RANBP2: variants seen among roughly 807,000 people sequenced by gnomAD.
RANBP2 encodes the protein RAN binding protein 2, also known as E3 SUMO-protein ligase RanBP2.
RANBP2 carries 57 observed loss-of-function variants against 303.6 expected under a neutral mutation model. The ratio of observed to expected loss-of-function variants is 0.19; its 90% CI spans 0.15 to 0.23. The LOEUF is 0.23. Among genes scored for constraint, RANBP2 ranks in the 10% least tolerant of loss-of-function variants. The pLI, the probability that RANBP2 is intolerant of heterozygous loss-of-function variation, is 1.00. For synonymous variants in RANBP2, 1,167 were observed against 1,301.5 expected, an observed-to-expected ratio of 0.90 and a Z score of 2.23; for missense variants, 3,138 against 3,780.8, an observed-to-expected ratio of 0.83 and a Z score of 4.46.
At chr2:109,094,092 G>A in the RANBP2 span, among the ~76,000 whole-genome samples, 1 of 152,128 alleles carries the variant, frequency 6.6e-6, no homozygotes, top group South Asian at 2.1e-4. Flanking sequence ...ATGGTTAATG[G>A]CAGTTATGGG....
At chr2:109,524,469 A>AAAAAAAAAAAAAAAAAAC in the RANBP2 span, among the ~76,000 whole-genome samples, 16 of 80,872 alleles carry the variant, frequency 2.0e-4, no homozygotes, top group East Asian at 3.3e-3. Context: ...AAAAAAAACA[A>AAAAAAAAAAAAAAAAAAC]AACAACACTG....
chr2:108,750,059 T>C (rs1395721363), intron 9 of RANBP2, among the ~76,000 whole-genome samples: 3 of 152,236 alleles, frequency 2.0e-5, no homozygotes, highest in Non-Finnish European at 4.4e-5. Flanking sequence ...GGCAGGGGAA[T>C]CGCTTCAACC....
the RANBP2 span, among the ~76,000 whole-genome samples, chr2:108,982,779 T>C: frequency 1.3e-5 from 2 of 152,152 alleles, no homozygotes; most frequent in Non-Finnish European, 2.9e-5. Flanking sequence ...CTAAGTCTCC[T>C]TGCTTTGGTT....
chr2:108,939,482 G>A, the RANBP2 span, among the ~76,000 whole-genome samples: 1 of 152,204 alleles, frequency 6.6e-6, no homozygotes, highest in Non-Finnish European at 1.5e-5. Flanking sequence ...TACCAGGTGG[G>A]GAGGTCAGGA....
the RANBP2 span, among the ~76,000 whole-genome samples, chr2:108,831,402 C>G: frequency 6.6e-6 from 1 of 152,004 alleles, no homozygotes; most frequent in Non-Finnish European, 1.5e-5. Context: ...TTGAAACATT[C>G]AAAAGATAAG....
chr2:109,334,377 AT>A, the RANBP2 span, among the ~76,000 whole-genome samples: 14 of 120,508 alleles, frequency 1.2e-4, no homozygotes, highest in East Asian at 1.6e-3. Context: ...AAAAAAAAAA[AT>A]CTTAAAAAAA....
chr2:109,033,311 C>T, the RANBP2 span, among the ~76,000 whole-genome samples: 77 of 152,292 alleles, frequency 5.1e-4, no homozygotes, highest in African/African-American at 1.7e-3. Context: ...GGTGAATGCA[C>T]GGGCCCAGTC....
At chr2:109,243,746 C>T in the RANBP2 span, among the ~76,000 whole-genome samples, 11 of 152,128 alleles carry the variant, frequency 7.2e-5, no homozygotes, top group African/African-American at 1.4e-4. Flanking sequence ...CAGAGAACCT[C>T]GGGGTGGCCC....
chr2:109,625,498 CAAAA>C, the RANBP2 span, among the ~76,000 whole-genome samples: 4 of 133,576 alleles, frequency 3.0e-5, no homozygotes, highest in Admixed American at 8.0e-5. Context: ...ACTAAAAATA[CAAAA>C]AAAAAAAAAA....
At chr2:109,215,737 A>G in the RANBP2 span, among the ~76,000 whole-genome samples, 1 of 152,172 alleles carries the variant, frequency 6.6e-6, no homozygotes. Context: ...CACTGCTAGG[A>G]CATCTAATGG....
chr2:109,039,786 C>G, the RANBP2 span, among the ~76,000 whole-genome samples: 1 of 151,996 alleles, frequency 6.6e-6, no homozygotes, highest in Non-Finnish European at 1.5e-5. Context: ...TAACCTCAAG[C>G]CACAATATGC....
chr2:109,082,482 G>A, the RANBP2 span, among the ~76,000 whole-genome samples: 4 of 151,748 alleles, frequency 2.6e-5, no homozygotes, highest in Non-Finnish European at 1.5e-5. Flanking sequence ...TGTATTTTTA[G>A]TAGAGATGGG....
the RANBP2 span, among the ~76,000 whole-genome samples, chr2:108,945,339 C>CATTT: frequency 6.6e-6 from 1 of 152,110 alleles, no homozygotes; most frequent in African/African-American, 2.4e-5. Context: ...GTTCCAAGGC[C>CATTT]ATTTATTTAT....
chr2:109,410,812 G>A, the RANBP2 span, among the ~76,000 whole-genome samples: 6 of 151,876 alleles, frequency 4.0e-5, no homozygotes, highest in African/African-American at 1.5e-4. Flanking sequence ...CGACTTCGTG[G>A]GAGACAGGGC....
chr2:109,090,518 G>A, the RANBP2 span, among the ~76,000 whole-genome samples: 1 of 152,082 alleles, frequency 6.6e-6, no homozygotes, highest in Non-Finnish European at 1.5e-5. Flanking sequence ...TCCTCATGAC[G>A]AGCATCGAGA....
At chr2:109,287,107 T>C in the RANBP2 span, among the ~76,000 whole-genome samples, 1 of 152,204 alleles carries the variant, frequency 6.6e-6, no homozygotes, top group Non-Finnish European at 1.5e-5. Context: ...GACATACAGA[T>C]GACAGCCATG....
the RANBP2 span, among the ~76,000 whole-genome samples, chr2:109,016,502 G>A: frequency 2.6e-5 from 4 of 152,190 alleles, no homozygotes; most frequent in Non-Finnish European, 5.9e-5. Context: ...TTGACCATGT[G>A]ACTTGCTTTG....
At chr2:109,695,934 T>C in the RANBP2 span, among the ~76,000 whole-genome samples, 2 of 151,972 alleles carry the variant, frequency 1.3e-5, no homozygotes, top group African/African-American at 2.4e-5. Flanking sequence ...CCTTTTCTTT[T>C]CTCTTCCCTC....
the RANBP2 span, among the ~76,000 whole-genome samples, chr2:109,229,799 T>C: frequency 6.6e-6 from 1 of 151,314 alleles, no homozygotes; most frequent in East Asian, 2.0e-4. Context: ...GGTATGTGTT[T>C]AGATTTTTTT....
Sources: gnomAD v4.1 joint callset for allele counts (sites outside exome capture counted in the v4.1 genomes callset) on GRCh38, gnomAD v4.1.1 for gene constraint, MANE v1.5 for transcripts, NCBI Gene and HGNC (gene_info 2026-07-23, HGNC 2026-07-21) for gene names.